Variants in ADAMTSL1 observed in about 807,000 individuals in gnomAD.
ADAMTSL1 encodes ADAMTS like 1.
ADAMTSL1 carries 126 observed loss-of-function variants against 201.8 expected under a neutral mutation model. That is an observed-to-expected ratio of 0.62 (90% CI 0.54 to 0.72). The LOEUF is 0.72. Ranked by LOEUF, ADAMTSL1 falls within the 30% of genes least tolerant of loss-of-function variation. ADAMTSL1 has a pLI of 0.00. For synonymous variants in ADAMTSL1, 1,121 were observed against 903.4 expected (o/e 1.24, Z -4.32); for missense variants, 2,679 against 2,277.8 (o/e 1.18, Z -3.59).
At chr9:18,711,760 C>T (rs1437183665) in intron 14 of ADAMTSL1, among the ~76,000 whole-genome samples, 1 of 152,114 alleles carries the variant, frequency 6.6e-6, no homozygotes, top group African/African-American at 2.4e-5. Context: ...TCAAGGAGGC[C>T]TGCCTGCCTC....
At chr9:18,675,997 A>G in intron 10 of ADAMTSL1, 90 bp downstream of exon 10, 1 of 1,228,290 alleles carries the variant, frequency 8.1e-7, no homozygotes, top group Non-Finnish European at 1.2e-6. Context: ...ATACATAGAG[A>G]GAGAGATTAT....
At chr9:17,937,449 C>T (rs1404581903) in intron 1 of ADAMTSL1, among the ~76,000 whole-genome samples, 2 of 151,966 alleles carry the variant, frequency 1.3e-5, no homozygotes, top group African/African-American at 2.4e-5. Context: ...GACTTAGATC[C>T]CTGAAGGGCA....
At chr9:18,024,511 G>A (rs1185961512) in intron 1 of ADAMTSL1, among the ~76,000 whole-genome samples, 1 of 152,086 alleles carries the variant, frequency 6.6e-6, no homozygotes, top group Non-Finnish European at 1.5e-5. Context: ...GTGAGAACAT[G>A]TGGTGTTTAT....
intron 2 of ADAMTSL1, among the ~76,000 whole-genome samples, chr9:18,239,543 A>C (rs921348822): frequency 2.6e-5 from 4 of 152,094 alleles, no homozygotes; most frequent in Admixed American, 2.0e-4. Flanking sequence ...GTTTGAGACC[A>C]GCCTGGCCAA....
chr9:18,854,057 G>C (rs557291139), intron 23 of ADAMTSL1, among the ~76,000 whole-genome samples: 1 of 152,288 alleles, frequency 6.6e-6, no homozygotes, highest in South Asian at 2.1e-4. Context: ...CTATGTTTTA[G>C]AAAAGTTTGG....
chr9:18,305,937 T>C (rs1323305216), intron 2 of ADAMTSL1, among the ~76,000 whole-genome samples: 1 of 152,122 alleles, frequency 6.6e-6, no homozygotes, highest in East Asian at 1.9e-4. Context: ...CAGGGCTCAA[T>C]AGACACCTCA....
intron 2 of ADAMTSL1, among the ~76,000 whole-genome samples, chr9:18,288,413 G>T (rs573677496): frequency 3.3e-5 from 5 of 152,218 alleles, no homozygotes; most frequent in Admixed American, 6.5e-5. Context: ...TTTAAATGTA[G>T]CAGTTCTGAA....
At chr9:18,109,092 C>A (rs1324381374) in intron 1 of ADAMTSL1, among the ~76,000 whole-genome samples, 1 of 152,168 alleles carries the variant, frequency 6.6e-6, no homozygotes, top group Non-Finnish European at 1.5e-5. Flanking sequence ...CAACTGCATA[C>A]ATAGACATTA....
intron 13 of ADAMTSL1, among the ~76,000 whole-genome samples, chr9:18,692,065 G>T (rs1043943723): frequency 1.2e-4 from 18 of 152,168 alleles, no homozygotes; most frequent in Non-Finnish European, 2.2e-4. Flanking sequence ...AACTCAGCTA[G>T]TGGGTTCCCA....
intron 15 of ADAMTSL1, among the ~76,000 whole-genome samples, chr9:18,741,197 C>T (rs548064000): frequency 2.0e-5 from 3 of 151,972 alleles, no homozygotes; most frequent in Non-Finnish European, 2.9e-5. Flanking sequence ...TCTAAAAACC[C>T]GTAAAATCAA....
chr9:18,111,094 C>T (rs1306436066), intron 1 of ADAMTSL1, among the ~76,000 whole-genome samples: 1 of 152,092 alleles, frequency 6.6e-6, no homozygotes. Flanking sequence ...TTAAACTTCC[C>T]TTGCTAAAAA....
At chr9:18,677,657 G>A (rs184450687) in intron 10 of ADAMTSL1, among the ~76,000 whole-genome samples, 75 of 152,016 alleles carry the variant, frequency 4.9e-4, no homozygotes, top group African/African-American at 1.5e-3. Context: ...CCTATATTAG[G>A]TTAAAATTGA....
intron 2 of ADAMTSL1, among the ~76,000 whole-genome samples, chr9:18,285,169 G>A (rs1832946929): frequency 6.6e-6 from 1 of 152,006 alleles, no homozygotes; most frequent in African/African-American, 2.4e-5. Flanking sequence ...ACTCTCAAAG[G>A]CAGTATATAA....
intron 2 of ADAMTSL1, among the ~76,000 whole-genome samples, chr9:18,413,700 C>A (rs1239665593): frequency 6.6e-6 from 1 of 152,156 alleles, no homozygotes; most frequent in Non-Finnish European, 1.5e-5. Context: ...TACACCAGAG[C>A]CCAACTCTTC....
intron 19 of ADAMTSL1, among the ~76,000 whole-genome samples, chr9:18,784,235 A>C (rs1181213287): frequency 1.3e-5 from 2 of 152,162 alleles, no homozygotes; most frequent in Non-Finnish European, 2.9e-5. Context: ...CCCTATGCAT[A>C]ATACTCTCTC....
chr9:18,487,441 T>G lies in ADAMTSL1; in HGVS notation c.63+13146T>G, dbSNP rs116136887. On this transcript the variant is annotated intron_variant, in intron 1 of 28. Transcript: ENST00000380548. The stretch of plus-strand genomic sequence containing the variant: ...TTTATGTTTTAAATCACATGGTCCT[T>G]CTGACTTTCATTCTAATTTTGGACG... 7.8e-3 allele frequency among the ~76,000 whole-genome samples: 1,195 copies of G among 152,326 alleles called. 14 individuals carry two copies. The highest frequency in any genetic ancestry group is 0.027 in the African/African-American group (1,135 of 41,570).
rs111625060 is a variant in ADAMTSL1 at position 18,814,692 on chromosome 9, G to A, written c.3806-2417G>A. Among the ~76,000 whole-genome samples the A allele has an allele frequency of 6.8e-3, 1,042 of 152,218 alleles. 10 individuals carry two copies. The highest frequency in any genetic ancestry group is 0.023 in the African/African-American group (965 of 41,538). ...ACTGGGAGCTAAATGATGAGAACACGTGGACACAGAGGGAAACAACAGATG... is the reference window on the plus strand; with the variant it reads ...ACTGGGAGCTAAATGATGAGAACACATGGACACAGAGGGAAACAACAGATG... On this transcript the variant is annotated intron_variant, in intron 20 of 28. Transcript: ENST00000380548.
intron 1 of ADAMTSL1, among the ~76,000 whole-genome samples, chr9:18,074,561 C>CT (rs138619215): frequency 0.62 from 81,315 of 131,084 alleles, 24,952 homozygotes; most frequent in African/African-American, 0.7. Flanking sequence ...CTTCTCTTTT[C>CT]TTTTTTTTTT....
chr9:17,985,480 A>T (rs1363473567), intron 1 of ADAMTSL1, among the ~76,000 whole-genome samples: 1 of 152,148 alleles, frequency 6.6e-6, no homozygotes. Flanking sequence ...AAAATACTTT[A>T]TAGTTCTGAG....
Sources: allele counts gnomAD v4.1 joint callset (sites outside exome capture counted in the v4.1 genomes callset), GRCh38; gene constraint gnomAD v4.1.1; transcripts MANE v1.5; gene names NCBI Gene and HGNC (gene_info 2026-07-23, HGNC 2026-07-21).